Variants in FRK observed in about 807,000 individuals in gnomAD.
FRK encodes the protein tyrosine-protein kinase FRK.
Under a neutral mutation model 56.4 loss-of-function variants are expected in FRK, and 51 were observed. The ratio of observed to expected loss-of-function variants is 0.90; its 90% confidence interval spans 0.72 to 1.14. FRK has a LOEUF of 1.14. Among genes scored for constraint, FRK ranks in the 50% most tolerant of loss-of-function variants. FRK has a pLI of 0.00. For synonymous variants in FRK, 245 were observed against 217.9 expected, an observed-to-expected ratio of 1.12 and a Z score of -1.10; for missense variants, 570 against 601.4, an observed-to-expected ratio of 0.95 and a Z score of 0.55.
intron 1 of FRK, among the ~76,000 whole-genome samples, chr6:116,033,646 A>T (rs1278942707): frequency 1.3e-5 from 2 of 152,188 alleles, no homozygotes; most frequent in African/African-American, 4.8e-5. Context: ...AAGTCAGAGA[A>T]GTGATGGTGT....
intron 2 of FRK, among the ~76,000 whole-genome samples, chr6:115,991,869 A>G: frequency 6.6e-6 from 1 of 151,510 alleles, no homozygotes; most frequent in Non-Finnish European, 1.5e-5. Context: ...TTGTATGTCT[A>G]GTATAACTTA....
In FRK at chr6:115,937,853, C is replaced by G. The variant is rs1171137800; in HGVS notation, c.*4561G>C. On this transcript the variant is annotated 3_prime_UTR_variant, in exon 8 of 8. Transcript: ENST00000606080. ...AAGTTCTTAGAGAACTACAAAGAGA[C>G]TTAGACTCCCACACAATAATAGTGG... is the stretch of plus-strand genomic sequence containing the variant. The G allele has an allele frequency of 6.6e-6, 1 of 152,178 alleles. No individual in the cohort carries two copies. The highest frequency in any genetic ancestry group is 2.4e-5 in the African/African-American group (1 of 41,436). The allele number at this position is 152,178 out of a possible 1,614,324, so 9.4% of individuals were successfully genotyped here.
chr6:116,003,332 G>C (rs1775133743), intron 2 of FRK, among the ~76,000 whole-genome samples: 1 of 152,188 alleles, frequency 6.6e-6, no homozygotes, highest in Non-Finnish European at 1.5e-5. Flanking sequence ...TGTAACTACT[G>C]AGTACATTTT....
At chr6:115,977,656 A>G (rs778235057) in intron 2 of FRK, among the ~76,000 whole-genome samples, 1 of 152,206 alleles carries the variant, frequency 6.6e-6, no homozygotes, top group Non-Finnish European at 1.5e-5. Context: ...GTTACTTTAT[A>G]GTTAGAGGCA....
chr6:115,995,228 T>C (rs1239921980), intron 2 of FRK, among the ~76,000 whole-genome samples: 1 of 152,134 alleles, frequency 6.6e-6, no homozygotes, highest in African/African-American at 2.4e-5. Context: ...ATGTTTTGAA[T>C]AGTTGAATAG....
At position 115,943,108 on chromosome 6, in the gene FRK, A is replaced by G. The variant is rs751580135; in HGVS notation, c.1218T>C (p.Arg406=). 1.9e-6 allele frequency: 3 copies of G among 1,613,392 alleles called. No individual in the cohort carries two copies. In the East Asian group the frequency reaches 6.7e-5, roughly 36 times the overall value. Residue 406 remains arginine (R), a synonymous_variant, in exon 7 of 8, where the codon CGT becomes CGC. Coordinates refer to ENST00000606080, the MANE Select transcript of FRK (RefSeq NM_002031.3). The part of the protein sequence containing the change: ...PVKWTAPEAI[R]SNKFSIKSDV... The stretch of plus-strand genomic sequence containing the variant: ...CGGACTTAATGCTGAATTTATTACT[A>G]CGAATGGCTTCGGGCGCAGTCCACT...
intron 4 of FRK, among the ~76,000 whole-genome samples, chr6:115,957,905 TG>T (rs1246409199): frequency 6.6e-6 from 1 of 152,226 alleles, no homozygotes; most frequent in African/African-American, 2.4e-5. Flanking sequence ...ATAATAGCAA[TG>T]CCTGCACGTA....
rs747443130 is a variant in FRK, at chr6:116,060,146, G to A, written c.166C>T (p.Arg56Trp). The change falls in exon 1 of 8, where the codon CGG (arginine) becomes TGG (tryptophan). Residue 56 changes from arginine to tryptophan, a missense_variant. Transcript: ENST00000606080. ...CGGAAGCTCAAGTCCTCAGCAGTCC[G>A]AGCCTGGTAATCAAACAAAGCCACA... The part of the protein sequence containing the change: ...YFVALFDYQA[R>W]TAEDLSFRAG... 2.5e-6 allele frequency: 4 copies of A among 1,614,150 alleles called. No homozygotes were observed. Among genetic ancestry groups the A allele is most frequent in the Non-Finnish European group, 3.4e-6 (4 of 1,180,032 alleles).
upstream of FRK, among the ~76,000 whole-genome samples, chr6:116,063,327 A>C (rs1777684185): frequency 1.3e-5 from 2 of 152,214 alleles, no homozygotes; most frequent in Admixed American, 1.3e-4. Context: ...TCAATTGATG[A>C]ATGGACAAGA....
At chr6:116,028,094 C>T (rs1776162979) in intron 1 of FRK, among the ~76,000 whole-genome samples, 1 of 152,104 alleles carries the variant, frequency 6.6e-6, no homozygotes, top group South Asian at 2.1e-4. Flanking sequence ...AGGTTTTCCC[C>T]ACACACCAAG....
At chr6:116,091,238 C>T in the FRK span, among the ~76,000 whole-genome samples, 2 of 152,034 alleles carry the variant, frequency 1.3e-5, no homozygotes, top group African/African-American at 4.8e-5. Context: ...TCTGTAAAAA[C>T]ACAGCAATCA....
the FRK span, among the ~76,000 whole-genome samples, chr6:116,066,152 T>C: frequency 1.3e-4 from 20 of 152,180 alleles, no homozygotes; most frequent in African/African-American, 4.6e-4. Context: ...ATCAGTGGGC[T>C]GGGGAAGGCA....
At position 116,043,295 on chromosome 6, in the gene FRK, C is replaced by T. The variant is rs140947968; in HGVS notation, c.344+16673G>A. ...ATCAATAGATGTACATTCTTCTCAG[C>T]ACCACATTGCACTTATTCTAAAAGT... On this transcript the variant is annotated intron_variant, in intron 1 of 7. Coordinates refer to ENST00000606080, the MANE Select transcript of FRK (RefSeq NM_002031.3). Among the ~76,000 whole-genome samples, 411 of 152,282 alleles carry T rather than the reference C, an allele frequency of 2.7e-3. 2 individuals are homozygous for T. Among genetic ancestry groups the T allele is most frequent in the African/African-American group, 8.9e-3 (370 of 41,542 alleles).
At chr6:115,960,317 G>A (rs906837638) in intron 4 of FRK, among the ~76,000 whole-genome samples, 9 of 151,158 alleles carry the variant, frequency 6.0e-5, no homozygotes, top group East Asian at 2.0e-4. Context: ...ACTCCCACCC[G>A]AATATTGCGC....
chr6:116,079,247 A>T, the FRK span, among the ~76,000 whole-genome samples: 1 of 151,498 alleles, frequency 6.6e-6, no homozygotes, highest in Admixed American at 6.6e-5. Context: ...CAGACTTTTA[A>T]TTTTTGCCAA....
chr6:116,069,553 T>C, the FRK span, among the ~76,000 whole-genome samples: 1 of 152,146 alleles, frequency 6.6e-6, no homozygotes, highest in Admixed American at 6.6e-5. Flanking sequence ...GGAAGATCAC[T>C]TGAGGCTAAG....
intron 5 of FRK, among the ~76,000 whole-genome samples, chr6:115,945,616 G>T (rs992584946): frequency 1.3e-5 from 2 of 152,002 alleles, no homozygotes; most frequent in African/African-American, 2.4e-5. Context: ...TAACTTTTAT[G>T]GCTGAGCCAA....
chr6:116,089,783 C>T, the FRK span, among the ~76,000 whole-genome samples: 77 of 152,268 alleles, frequency 5.1e-4, no homozygotes, highest in East Asian at 0.01. Context: ...AGTATCATCA[C>T]ATTCTGAAAT....
At chr6:116,093,063 T>C in the FRK span, among the ~76,000 whole-genome samples, 2 of 152,196 alleles carry the variant, frequency 1.3e-5, no homozygotes, top group Admixed American at 1.3e-4. Flanking sequence ...TGAAATACCT[T>C]ATGTCCAAGC....
Sources: gnomAD v4.1 joint callset for allele counts (sites outside exome capture counted in the v4.1 genomes callset) on GRCh38, gnomAD v4.1.1 for gene constraint, MANE v1.5 for transcripts, NCBI Gene and HGNC (gene_info 2026-07-23, HGNC 2026-07-21) for gene names.